Variants in G3BP2 observed in about 807,000 individuals in gnomAD.
G3BP2 encodes the protein G3BP stress granule assembly factor 2, also known as ras GTPase-activating protein-binding protein 2.
A neutral mutation model predicts 56.7 loss-of-function variants in G3BP2; 11 were observed. That is an observed-to-expected ratio of 0.19 (90% confidence interval 0.12 to 0.32). The LOEUF (loss-of-function observed/expected upper bound fraction) is 0.32, where lower values mean the gene tolerates loss of function less well. G3BP2 is among the 10% of genes least tolerant of loss of function. The probability of loss-of-function intolerance (pLI) is 1.00; values close to 1 mark genes in which losing one functional copy is unlikely to be tolerated. For synonymous variants in G3BP2, 165 were observed against 191.6 expected (o/e 0.86, Z 1.15); for missense variants, 340 against 610.9 (o/e 0.56, Z 4.67).
chr4:75,660,010 T>C (rs1050560762), intron 2 of G3BP2, among the ~76,000 whole-genome samples: 3 of 152,162 alleles, frequency 2.0e-5, no homozygotes, highest in African/African-American at 7.2e-5. Context: ...CGTGCACAAA[T>C]AATGCATGTT....
rs975914345 is a variant in G3BP2 at position 75,646,288 on chromosome 4, T to A, written c.1176+50A>T. The A allele has an allele frequency of 3.7e-6, 3 of 820,986 alleles. No homozygotes were observed. In the African/African-American group the frequency reaches 5.3e-5, roughly 14 times the overall value. The allele number at this position is 820,986 out of a possible 1,614,324, so 50.9% of individuals were successfully genotyped here. Reference sequence around the variant, plus strand: ...GGTTTTTAAATACCCCAAATTAATATATACAACAGAAATAATAAAGTCTTG... The same window carrying A: ...GGTTTTTAAATACCCCAAATTAATAAATACAACAGAAATAATAAAGTCTTG... On this transcript the variant is annotated intron_variant, in intron 11 of 11. Coordinates refer to ENST00000359707, the MANE Select transcript of G3BP2 (RefSeq NM_203505.3).
chr4:75,647,126 G>C lies in G3BP2; in HGVS notation c.960C>G (p.Asp320Glu). 6.3e-7 allele frequency: 1 copy of C among 1,599,828 alleles called. No homozygotes were observed. Among genetic ancestry groups the C allele is most frequent in the Non-Finnish European group, 8.6e-7 (1 of 1,168,650 alleles). The change falls in exon 10 of 12, where the codon GAC becomes GAG. Residue 320 changes from aspartate (D) to glutamate (E), a missense_variant. Coordinates refer to ENST00000359707, the MANE Select transcript of G3BP2 (RefSeq NM_203505.3). ...CTGGATAGCGAATTATTCTACGGTT[G>C]TCAGAGTCATTCTGTTCCATATCTC... Reference protein sequence around the residue: ...GRGDMEQNDSDNRRIIRYPDS... With the variant: ...GRGDMEQNDSENRRIIRYPDS...
intron 3 of G3BP2, among the ~76,000 whole-genome samples, chr4:75,710,467 G>A (rs1448921089): frequency 6.6e-6 from 1 of 152,146 alleles, no homozygotes; most frequent in Non-Finnish European, 1.5e-5. Flanking sequence ...ACTTAGCTGG[G>A]AAGTAAGCAA....
chr4:75,684,893 G>T (rs190696798), intron 3 of G3BP2, among the ~76,000 whole-genome samples: 1 of 151,128 alleles, frequency 6.6e-6, no homozygotes, highest in East Asian at 2.0e-4. Flanking sequence ...GCTCTTTTTC[G>T]ATATATTTCC....
intron 1 of G3BP2, chr4:75,670,424 A>G (rs1009743743): frequency 6.6e-6 from 1 of 152,212 alleles, no homozygotes; most frequent in East Asian, 1.9e-4. Flanking sequence ...TTCACAAAGA[A>G]GATCTAAGAA....
intron 2 of G3BP2, among the ~76,000 whole-genome samples, chr4:75,721,142 T>C (rs1720161367): frequency 6.6e-6 from 1 of 152,146 alleles, no homozygotes; most frequent in Admixed American, 6.6e-5. Context: ...GGTTTCTCCA[T>C]GTTGGTCAGG....
intron 3 of G3BP2, among the ~76,000 whole-genome samples, chr4:75,718,456 G>C (rs886777956): frequency 1.3e-5 from 2 of 152,072 alleles, no homozygotes; most frequent in African/African-American, 4.8e-5. Flanking sequence ...TAGTGATAAG[G>C]CTGGAAAAAT....
intron 1 of G3BP2, among the ~76,000 whole-genome samples, chr4:75,663,883 A>AC: frequency 6.6e-6 from 1 of 152,200 alleles, no homozygotes; most frequent in African/African-American, 2.4e-5. Context: ...AAAAATATGA[A>AC]ATATAACCTA....
intron 3 of G3BP2, among the ~76,000 whole-genome samples, chr4:75,687,159 C>T (rs1043429458): frequency 4.6e-5 from 7 of 152,068 alleles, no homozygotes; most frequent in African/African-American, 1.7e-4. Flanking sequence ...GTGTCCCCAC[C>T]CAAATCTTAT....
chr4:75,698,657 G>T (rs185647312), intron 3 of G3BP2, among the ~76,000 whole-genome samples: 5 of 152,196 alleles, frequency 3.3e-5, no homozygotes, highest in African/African-American at 1.2e-4. Flanking sequence ...TTGCTGGAGG[G>T]AGGGACTTCA....
chr4:75,693,047 C>T (rs1188685945), intron 3 of G3BP2, among the ~76,000 whole-genome samples: 1 of 151,998 alleles, frequency 6.6e-6, no homozygotes, highest in Admixed American at 6.6e-5. Context: ...GAATTTGAGA[C>T]CGCCTGGCAA....
At chr4:75,668,887 T>C (rs1733265820) in intron 1 of G3BP2, among the ~76,000 whole-genome samples, 1 of 152,240 alleles carries the variant, frequency 6.6e-6, no homozygotes, top group Admixed American at 6.5e-5. Flanking sequence ...TAGCAGTTTA[T>C]TGATCATGCT....
At chr4:75,663,010 C>A (rs1398459492) in intron 1 of G3BP2, among the ~76,000 whole-genome samples, 1 of 152,178 alleles carries the variant, frequency 6.6e-6, no homozygotes, top group South Asian at 2.1e-4. Context: ...TAGAGAGAAT[C>A]ATTTTTTACC....
At chr4:75,668,643 G>A (rs560542042) in intron 1 of G3BP2, among the ~76,000 whole-genome samples, 8 of 152,288 alleles carry the variant, frequency 5.3e-5, no homozygotes, top group Non-Finnish European at 1.0e-4. Context: ...AAAAAAGTAA[G>A]ATTAGGCCAT....
intron 3 of G3BP2, chr4:75,694,925 G>A (rs779040840): frequency 1.7e-5 from 17 of 985,596 alleles, no homozygotes; most frequent in Non-Finnish European, 2.0e-5. Context: ...AGGACATGAA[G>A]GAAACTGGAG....
upstream of G3BP2, among the ~76,000 whole-genome samples, chr4:75,676,255 A>C (rs1275725723): frequency 6.6e-6 from 1 of 151,926 alleles, no homozygotes; most frequent in East Asian, 1.9e-4. Context: ...CAGGGAGACC[A>C]GTGTGAACGG....
chr4:75,713,584 C>T (rs926525854), intron 3 of G3BP2, among the ~76,000 whole-genome samples: 5 of 152,068 alleles, frequency 3.3e-5, no homozygotes, highest in Non-Finnish European at 4.4e-5. Context: ...GAGTTCAAGA[C>T]CAGCCTGGGC....
At chr4:75,671,972 C>T (rs1733520522) in intron 1 of G3BP2, among the ~76,000 whole-genome samples, 1 of 152,192 alleles carries the variant, frequency 6.6e-6, no homozygotes, top group Admixed American at 6.5e-5. Flanking sequence ...CACTCTAGTA[C>T]ACCGGGGCTC....
chr4:75,675,546 A>G (rs1560408528), upstream of G3BP2, among the ~76,000 whole-genome samples: 1 of 152,104 alleles, frequency 6.6e-6, no homozygotes, highest in Non-Finnish European at 1.5e-5. Context: ...TAATCCCAGC[A>G]CTTTGGAAGG....
Sources: allele counts gnomAD v4.1 joint callset (sites outside exome capture counted in the v4.1 genomes callset), GRCh38; gene constraint gnomAD v4.1.1; transcripts MANE v1.5; gene names NCBI Gene and HGNC (gene_info 2026-07-23, HGNC 2026-07-21).